VPS13B: variants seen among roughly 807,000 people sequenced by gnomAD.
The protein encoded by VPS13B is intermembrane lipid transfer protein VPS13B.
VPS13B carries 285 observed loss-of-function variants against 426.4 expected under a neutral mutation model. The ratio of observed to expected loss-of-function variants is 0.67; its 90% confidence interval spans 0.61 to 0.74. The LOEUF (loss-of-function observed/expected upper bound fraction) is 0.74, where lower values mean the gene tolerates loss of function less well. Among genes scored for constraint, VPS13B ranks in the 30% least tolerant of loss-of-function variants. The pLI, the probability that VPS13B is intolerant of heterozygous loss-of-function variation, is 0.00. For synonymous variants in VPS13B, 1,676 were observed against 1,676.4 expected (o/e 1.00, Z 0.01); for missense variants, 4,537 against 4,782.6 (o/e 0.95, Z 1.51).
chr8:99,571,681 C>T (rs1298632134), intron 31 of VPS13B, among the ~76,000 whole-genome samples: 1 of 152,086 alleles, frequency 6.6e-6, no homozygotes, highest in Non-Finnish European at 1.5e-5. Context: ...TTAGCACTCC[C>T]CTATGAGAGC....
intron 17 of VPS13B, among the ~76,000 whole-genome samples, chr8:99,221,734 C>G (rs1815735374): frequency 1.3e-5 from 2 of 152,102 alleles, no homozygotes; most frequent in Admixed American, 6.5e-5. Context: ...GGAGTGGAGT[C>G]TCACTCTGTC....
chr8:99,842,323 G>GA (rs1351369091), intron 54 of VPS13B, among the ~76,000 whole-genome samples: 2 of 152,092 alleles, frequency 1.3e-5, no homozygotes, highest in African/African-American at 4.8e-5. Context: ...CAAAAGTAGG[G>GA]AGACTAGGTG....
In VPS13B at chr8:99,699,680, G is replaced by T; in HGVS notation, c.6202G>T (p.Asp2068Tyr). ...SAMSNTMVNK[D>Y]DLPVSKYYRG... ...CATGTCCAACACCATGGTGAATAAG[G>T]ATGATCTTCCAGTCTCCAAATATTA... Residue 2068 changes from aspartate (D) to tyrosine (Y), a missense_variant, in exon 36 of 62, where the codon GAT (aspartate) becomes TAT (tyrosine). Transcript: ENST00000357162. 1.9e-6 allele frequency: 3 copies of T among 1,614,150 alleles called. No individual in the cohort carries two copies. The highest frequency in any genetic ancestry group is 2.5e-6 in the Non-Finnish European group (3 of 1,180,038).
intron 3 of VPS13B, among the ~76,000 whole-genome samples, chr8:99,074,667 A>G (rs1030281391): frequency 6.6e-6 from 1 of 151,882 alleles, no homozygotes; most frequent in Admixed American, 6.6e-5. Context: ...TTTTGAGACA[A>G]TCTTGTTGCT....
intron 30 of VPS13B, among the ~76,000 whole-genome samples, chr8:99,552,717 C>T (rs1185618205): frequency 1.3e-5 from 2 of 151,744 alleles, no homozygotes; most frequent in South Asian, 2.1e-4. Flanking sequence ...TAAAGAATTA[C>T]AAAAAATATT....
At chr8:99,726,405 T>C (rs1327642887) in intron 39 of VPS13B, among the ~76,000 whole-genome samples, 2 of 152,174 alleles carry the variant, frequency 1.3e-5, no homozygotes, top group Non-Finnish European at 2.9e-5. Flanking sequence ...ACATAGTAGG[T>C]TTTCCTCTCT....
At position 99,060,335 on chromosome 8, in the gene VPS13B, G is replaced by A. The variant is rs901795634; in HGVS notation, c.291+21769G>A. Reference sequence around the variant, plus strand: ...TAAAAATACATAAATTGGGCTAGGCGTGGTGGTTCACCCATGTAATTCCAG... The same window carrying A: ...TAAAAATACATAAATTGGGCTAGGCATGGTGGTTCACCCATGTAATTCCAG... On this transcript the variant is annotated intron_variant, in intron 3 of 61. Transcript: ENST00000357162. Among the ~76,000 whole-genome samples, 7 of 152,188 alleles carry A rather than the reference G, an allele frequency of 4.6e-5. No individual in the cohort carries two copies. In the South Asian group the frequency reaches 1.0e-3, roughly 23 times the overall value.
chr8:99,665,201 G>A (rs1830434277), intron 35 of VPS13B, among the ~76,000 whole-genome samples: 1 of 152,088 alleles, frequency 6.6e-6, no homozygotes, highest in Non-Finnish European at 1.5e-5. Flanking sequence ...TGAGTTCATT[G>A]TAGATTCTGG....
chr8:99,561,900 C>A (rs1824941566), intron 31 of VPS13B, among the ~76,000 whole-genome samples: 1 of 152,124 alleles, frequency 6.6e-6, no homozygotes, highest in Admixed American at 6.5e-5. Context: ...TGTACAAGTA[C>A]CTGTTTTCAC....
rs547342765 is a variant in VPS13B, at chr8:99,057,785, AC to A, written c.291+19222del. Among the ~76,000 whole-genome samples, 951 of 152,192 alleles carry A rather than the reference AC, an allele frequency of 6.2e-3. 7 individuals carry two copies. Among genetic ancestry groups the A allele is most frequent in the African/African-American group, 0.021 (893 of 41,538 alleles). On this transcript the variant is annotated intron_variant, in intron 3 of 61. Coordinates refer to ENST00000357162, the MANE Select transcript of VPS13B (RefSeq NM_152564.5). ...TGTGTGCTTTCAATCCAAACCAGGA[AC>A]CCTGAGGTCGTCCTTAACTTTACCC... is the stretch of plus-strand genomic sequence containing the variant.
intron 31 of VPS13B, among the ~76,000 whole-genome samples, chr8:99,572,841 T>C (rs1456106784): frequency 6.6e-6 from 1 of 152,184 alleles, no homozygotes; most frequent in South Asian, 2.1e-4. Context: ...CTGGGTCAAA[T>C]GGTATTTCTA....
intron 12 of VPS13B, among the ~76,000 whole-genome samples, chr8:99,141,157 C>T (rs1221838354): frequency 6.6e-6 from 1 of 152,162 alleles, no homozygotes; most frequent in African/African-American, 2.4e-5. Context: ...TTAATAAGGG[C>T]AGCCAAACAT....
chr8:99,418,707 C>T (rs1481703544), intron 21 of VPS13B, among the ~76,000 whole-genome samples: 1 of 152,042 alleles, frequency 6.6e-6, no homozygotes, highest in Non-Finnish European at 1.5e-5. Context: ...TGCCACCATG[C>T]ATGGCTAATA....
chr8:99,275,023 C>T lies in VPS13B; in HGVS notation c.2651-58C>T, dbSNP rs1293495404. The T allele has an allele frequency of 2.8e-6, 4 of 1,431,598 alleles. No individual in the cohort carries two copies. The East Asian group carries it at 7.5e-5, about 27-fold the overall frequency. The allele number at this position is 1,431,598 out of a possible 1,614,324, so 88.7% of individuals were successfully genotyped here. ...GGTGTTAGTATATTTTAAAATCAAA[C>T]ATTCTCAAGTGACTCATGTTTTATT... On this transcript the variant is annotated intron_variant, in intron 18 of 61. Coordinates refer to ENST00000357162, the MANE Select transcript of VPS13B (RefSeq NM_152564.5).
intron 3 of VPS13B, among the ~76,000 whole-genome samples, chr8:99,085,247 T>C (rs1845709809): frequency 6.6e-6 from 1 of 152,204 alleles, no homozygotes; most frequent in South Asian, 2.1e-4. Flanking sequence ...TGGTTTAAGG[T>C]CTGTTTTATC....
At chr8:99,032,623 G>A (rs375738130) in intron 2 of VPS13B, among the ~76,000 whole-genome samples, 5 of 149,458 alleles carry the variant, frequency 3.3e-5, no homozygotes, top group East Asian at 2.0e-4. Flanking sequence ...TCCGCCTCCC[G>A]GGTTCACGCC....
chr8:99,335,994 C>A (rs1810839480), intron 19 of VPS13B, among the ~76,000 whole-genome samples: 1 of 152,144 alleles, frequency 6.6e-6, no homozygotes. Flanking sequence ...TGACTTTCTT[C>A]ACAGAATTGG....
rs191782404 is a variant in VPS13B, at chr8:99,173,924, C to T, written c.2333+3761C>T. Among the ~76,000 whole-genome samples the T allele has an allele frequency of 9.6e-3, 1,457 of 152,290 alleles. 12 individuals carry two copies. Among genetic ancestry groups the T allele is most frequent in the Non-Finnish European group, 0.013 (876 of 68,016 alleles). Reference sequence around the variant, plus strand: ...ATTTTGCTTAAAACAATTGCTATTACTATTTCAAAAAATAACTATTTTTAA... The same window carrying T: ...ATTTTGCTTAAAACAATTGCTATTATTATTTCAAAAAATAACTATTTTTAA... On this transcript the variant is annotated intron_variant, in intron 16 of 61. Coordinates refer to ENST00000357162, the MANE Select transcript of VPS13B (RefSeq NM_152564.5).
intron 16 of VPS13B, among the ~76,000 whole-genome samples, chr8:99,173,419 A>T (rs1038977364): frequency 1.3e-5 from 2 of 152,170 alleles, no homozygotes; most frequent in African/African-American, 4.8e-5. Context: ...TGCCAGTAAT[A>T]CTTATTATCA....
Sources: gnomAD v4.1 joint callset for allele counts (sites outside exome capture counted in the v4.1 genomes callset) on GRCh38, gnomAD v4.1.1 for gene constraint, MANE v1.5 for transcripts, NCBI Gene and HGNC (gene_info 2026-07-23, HGNC 2026-07-21) for gene names.